STK32B: variants seen among roughly 807,000 people sequenced by gnomAD.
The protein encoded by STK32B is serine/threonine kinase 32B.
In STK32B, 43 loss-of-function variants were observed where a neutral mutation model predicts 52.6. That is an observed-to-expected ratio of 0.82 (90% confidence interval 0.64 to 1.05). The LOEUF (loss-of-function observed/expected upper bound fraction) is 1.05. Ranked by LOEUF, STK32B falls within the 50% of genes least tolerant of loss-of-function variation. The pLI, the probability that STK32B is intolerant of heterozygous loss-of-function variation, is 0.00. For synonymous variants in STK32B, 238 were observed against 204.3 expected, an observed-to-expected ratio of 1.17 and a Z score of -1.41; for missense variants, 621 against 534.6, an observed-to-expected ratio of 1.16 and a Z score of -1.59.
chr4:5,370,208 C>T (rs1290397187), intron 4 of STK32B, among the ~76,000 whole-genome samples: 2 of 152,138 alleles, frequency 1.3e-5, no homozygotes, highest in Admixed American at 6.5e-5. Flanking sequence ...TTATATGGAG[C>T]AATTCATCAT....
chr4:5,479,492 G>T lies in STK32B; in HGVS notation c.1106+11422G>T, dbSNP rs541135748. Among the ~76,000 whole-genome samples the T allele has an allele frequency of 2.6e-5, 4 of 152,314 alleles. No individual in the cohort carries two copies. In the South Asian group the frequency reaches 8.3e-4, roughly 32 times the overall value. On this transcript the variant is annotated intron_variant, in intron 11 of 11. Coordinates refer to ENST00000282908, the MANE Select transcript of STK32B (RefSeq NM_018401.3). The stretch of plus-strand genomic sequence containing the variant: ...ACTGGAATCATCCAAATATTTAATA[G>T]TTCCAGAAAGCAGACCTAAGGCCAG...
chr4:5,461,597 C>G (rs1429046729), intron 9 of STK32B, among the ~76,000 whole-genome samples: 1 of 152,208 alleles, frequency 6.6e-6, no homozygotes, highest in Non-Finnish European at 1.5e-5. Context: ...TCATCTGTTC[C>G]CGTCCTCTCC....
intron 3 of STK32B, among the ~76,000 whole-genome samples, chr4:5,282,800 G>A (rs1040072834): frequency 2.0e-5 from 3 of 152,142 alleles, no homozygotes; most frequent in Admixed American, 2.0e-4. Context: ...GCAGGACAGA[G>A]CAGGATAGTA....
intron 3 of STK32B, among the ~76,000 whole-genome samples, chr4:5,192,251 C>T (rs1315082595): frequency 3.3e-5 from 5 of 152,292 alleles, no homozygotes; most frequent in African/African-American, 4.8e-5. Context: ...AGACATTCCT[C>T]GTGTTATTGA....
chr4:5,388,466 C>G (rs1479725827), intron 4 of STK32B, among the ~76,000 whole-genome samples: 12 of 152,156 alleles, frequency 7.9e-5, no homozygotes, highest in African/African-American at 2.7e-4. Flanking sequence ...AACTGCTGTT[C>G]ATGTGTGAGG....
chr4:5,462,310 G>A (rs941201563), intron 9 of STK32B, among the ~76,000 whole-genome samples: 1 of 151,152 alleles, frequency 6.6e-6, no homozygotes. Context: ...ACCTGCTTGT[G>A]TGTCTGTGTG....
chr4:5,369,494 A>T (rs1735090247), intron 4 of STK32B, among the ~76,000 whole-genome samples: 1 of 152,170 alleles, frequency 6.6e-6, no homozygotes, highest in Middle Eastern at 3.4e-3. Flanking sequence ...CAGCCAGGGG[A>T]CAGAATGCAA....
intron 4 of STK32B, among the ~76,000 whole-genome samples, chr4:5,346,107 T>G (rs1474681146): frequency 2.6e-5 from 4 of 152,200 alleles, no homozygotes; most frequent in Non-Finnish European, 5.9e-5. Flanking sequence ...ACTCCTGATA[T>G]TTTGACAAAA....
At chr4:5,481,011 G>A (rs56117815) in intron 11 of STK32B, among the ~76,000 whole-genome samples, 9 of 152,010 alleles carry the variant, frequency 5.9e-5, no homozygotes, top group Admixed American at 2.6e-4. Context: ...GTTCCAAGTC[G>A]TTGCTATTGT....
chr4:5,137,978 C>T (rs1189348817), intron 1 of STK32B, among the ~76,000 whole-genome samples: 5 of 152,174 alleles, frequency 3.3e-5, no homozygotes, highest in Admixed American at 6.5e-5. Flanking sequence ...GGTACCTGCC[C>T]CGTGGGGACC....
chr4:5,302,809 C>T (rs1192512732), intron 3 of STK32B, among the ~76,000 whole-genome samples: 1 of 151,978 alleles, frequency 6.6e-6, no homozygotes, highest in Non-Finnish European at 1.5e-5. Context: ...TATTCCTTTG[C>T]ATCCTCATAG....
At chr4:5,428,957 ATGT>A (rs1713329266) in intron 6 of STK32B, among the ~76,000 whole-genome samples, 1 of 152,144 alleles carries the variant, frequency 6.6e-6, no homozygotes, top group Non-Finnish European at 1.5e-5. Flanking sequence ...TTGCTGGTAA[ATGT>A]CTAACAGCTA....
intron 7 of STK32B, among the ~76,000 whole-genome samples, chr4:5,448,604 T>C (rs1014462420): frequency 6.6e-6 from 1 of 152,248 alleles, no homozygotes; most frequent in African/African-American, 2.4e-5. Flanking sequence ...TGGTCCTTGC[T>C]GATTCACAAA....
Position 5,226,282 on chromosome 4 carries a change from C to T in STK32B, c.260+57832C>T, listed in dbSNP as rs751990587. On this transcript the variant is annotated intron_variant, in intron 3 of 11. Coordinates refer to ENST00000282908, the MANE Select transcript of STK32B (RefSeq NM_018401.3). ...GTTTTCATAATTTTTCTTTCCTCCA[C>T]GTTGCATTTGTTTCAGTATGCAGTC... Among the ~76,000 whole-genome samples the T allele has an allele frequency of 3.3e-5, 5 of 152,146 alleles. No homozygotes were observed. The South Asian group carries it at 6.2e-4, about 19-fold the overall frequency.
intron 2 of STK32B, among the ~76,000 whole-genome samples, chr4:5,156,564 C>G (rs545310566): frequency 7.9e-5 from 12 of 152,296 alleles, no homozygotes; most frequent in Non-Finnish European, 1.5e-4. Context: ...TGAGTTAACT[C>G]TGTAGTCAGC....
chr4:5,220,383 T>C (rs1723448510), intron 3 of STK32B, among the ~76,000 whole-genome samples: 1 of 152,056 alleles, frequency 6.6e-6, no homozygotes, highest in Admixed American at 6.6e-5. Flanking sequence ...GTGTGATGAG[T>C]GCTAAGATAG....
At position 5,448,940 on chromosome 4, in the gene STK32B, C is replaced by G. The variant is rs548379977; in HGVS notation, c.666+2164C>G. On this transcript the variant is annotated intron_variant, in intron 7 of 11. Transcript: ENST00000282908. ...AAAAACACTCATATTTATCCATGGA[C>G]TACGTAAATTTAGGAGTTATCCCCC... 1.8e-4 allele frequency among the ~76,000 whole-genome samples: 28 copies of G among 152,270 alleles called. No homozygotes were observed. The South Asian group carries it at 5.8e-3, about 32-fold the overall frequency.
At chr4:5,096,394 C>T (rs1000439764) in intron 1 of STK32B, among the ~76,000 whole-genome samples, 1 of 152,190 alleles carries the variant, frequency 6.6e-6, no homozygotes, top group Non-Finnish European at 1.5e-5. Flanking sequence ...GTCAACATTT[C>T]TGCATCCCCA....
chr4:5,407,972 C>T (rs1042542460), intron 5 of STK32B, among the ~76,000 whole-genome samples: 2 of 152,118 alleles, frequency 1.3e-5, no homozygotes, highest in Non-Finnish European at 2.9e-5. Context: ...CTCACCCTTT[C>T]CACCATGTGA....
Sources: allele counts gnomAD v4.1 joint callset (sites outside exome capture counted in the v4.1 genomes callset), GRCh38; gene constraint gnomAD v4.1.1; transcripts MANE v1.5; gene names NCBI Gene and HGNC (gene_info 2026-07-23, HGNC 2026-07-21).